The following VIL1 variants were observed in gnomAD, a reference collection of about 807,000 sequenced individuals.
The protein encoded by VIL1 is villin 1, also known as villin-1.
Under a neutral mutation model 104.0 loss-of-function variants are expected in VIL1, and 86 were observed. The ratio of observed to expected loss-of-function variants is 0.83; its 90% CI spans 0.69 to 0.99. The LOEUF (loss-of-function observed/expected upper bound fraction) is 0.99, where lower values mean the gene tolerates loss of function less well. VIL1 is among the 50% of genes least tolerant of loss of function. The pLI, the probability that VIL1 is intolerant of heterozygous loss-of-function variation, is 0.00. For synonymous variants in VIL1, 394 were observed against 412.6 expected, an observed-to-expected ratio of 0.95 and a Z score of 0.55; for missense variants, 944 against 1,054.1, an observed-to-expected ratio of 0.90 and a Z score of 1.45.
chr2:218,429,918 GAGA>G lies in VIL1; in HGVS notation c.925_927del (p.Lys309del), dbSNP rs1302914505. 6.3e-6 allele frequency: 10 copies of G among 1,589,972 alleles called. No individual in the cohort carries two copies. The highest frequency in any genetic ancestry group is 7.7e-6 in the Non-Finnish European group (9 of 1,164,398). On this transcript the variant is annotated inframe_deletion, in exon 9 of 20. Coordinates refer to ENST00000248444, the MANE Select transcript of VIL1 (RefSeq NM_007127.3). ...GAAAGGGAAGAAAGCCAATGAGCAG[GAGA>G]AGAAGGGAGCCATGAGCCATGCGCT...
intron 19 of VIL1, 41 bp from the exon 20 acceptor site, chr2:218,449,182 G>T (rs777829884): frequency 1.4e-6 from 2 of 1,456,806 alleles, no homozygotes; most frequent in Admixed American, 1.7e-5. Flanking sequence ...GAGGAAGGAA[G>T]GATATGTGAC....
At chr2:218,423,592 C>A (rs1439701492) in intron 1 of VIL1, among the ~76,000 whole-genome samples, 176 bp from the exon 2 acceptor site, 8 of 152,080 alleles carry the variant, frequency 5.3e-5, no homozygotes, top group African/African-American at 1.9e-4. Context: ...GTGCTAGACA[C>A]TGCGGATTTG....
intron 9 of VIL1, 31 bp from the exon 10 acceptor site, chr2:218,430,694 C>T: frequency 6.4e-7 from 1 of 1,554,182 alleles, no homozygotes; most frequent in Non-Finnish European, 8.7e-7. Flanking sequence ...AGGGGAGGTG[C>T]ATAGCTTCCA....
At chr2:218,425,283 G>C (rs1467155937) in intron 3 of VIL1, among the ~76,000 whole-genome samples, 2 of 152,066 alleles carry the variant, frequency 1.3e-5, no homozygotes, top group African/African-American at 4.8e-5. Context: ...GTTTTGCCAT[G>C]TTGGCCAGGC....
Position 218,425,730 on chromosome 2 carries a change from T to C in VIL1, c.266T>C (p.Leu89Pro), listed in dbSNP as rs1219557023. 5.0e-6 allele frequency: 8 copies of C among 1,614,116 alleles called. No individual in the cohort carries two copies. Among genetic ancestry groups the C allele is most frequent in the Non-Finnish European group, 6.8e-6 (8 of 1,179,998 alleles). The change falls in exon 4 of 20, where the codon CTG becomes CCG. Residue 89 changes from leucine to proline, a missense_variant. Transcript: ENST00000248444. Reference sequence around the variant, plus strand: ...TACACCACACAGATGGATGACTTCCTGAAGGGCCGGGCTGTGCAGCACCGC... The same window carrying C: ...TACACCACACAGATGGATGACTTCCCGAAGGGCCGGGCTGTGCAGCACCGC... ...AIYTTQMDDF[L>P]KGRAVQHREV...
chr2:218,437,359 A>C, intron 17 of VIL1, 47 bp downstream of exon 17: 2 of 1,594,226 alleles, frequency 1.3e-6, no homozygotes, highest in Non-Finnish European at 1.7e-6. Flanking sequence ...CTGCCTGGAG[A>C]TCAGTGCTGA....
In VIL1 at chr2:218,435,445, G is replaced by C. The variant is rs774201610; in HGVS notation, c.1826+11G>C. 6.2e-7 allele frequency: 1 copy of C among 1,612,380 alleles called. No individual in the cohort carries two copies. Among genetic ancestry groups the C allele is most frequent in the Non-Finnish European group, 8.5e-7 (1 of 1,178,850 alleles). On this transcript the variant is annotated intron_variant, in intron 15 of 19. Transcript: ENST00000248444. Reference sequence around the variant, plus strand: ...TGCCAACACCAAGAGGTAACTCTCAGGTCCCTCCGCCTCCAGGTTACCAAG... The same window carrying C: ...TGCCAACACCAAGAGGTAACTCTCACGTCCCTCCGCCTCCAGGTTACCAAG...
At chr2:218,423,555 CT>C (rs1189361633) in intron 1 of VIL1, among the ~76,000 whole-genome samples, 4 of 152,112 alleles carry the variant, frequency 2.6e-5, no homozygotes, top group Non-Finnish European at 2.9e-5. Context: ...TTCCCTCCCC[CT>C]CTCTTCCTTA....
In VIL1 at chr2:218,432,901, G is replaced by C. The variant is rs745758661; in HGVS notation, c.1450G>C (p.Glu484Gln). ...CCAGATCCGGGTCCCAATGGGCAAG[G>C]AGCCACCTCATCTTATGTCCATCTT... is the stretch of plus-strand genomic sequence containing the variant. ...PVQIRVPMGK[E>Q]PPHLMSIFKG... Residue 484 changes from glutamate to glutamine, a missense_variant, in exon 13 of 20, where the codon GAG becomes CAG. Coordinates refer to ENST00000248444, the MANE Select transcript of VIL1 (RefSeq NM_007127.3). 6.2e-7 allele frequency: 1 copy of C among 1,614,222 alleles called. No individual in the cohort carries two copies. The highest frequency in any genetic ancestry group is 8.5e-7 in the Non-Finnish European group (1 of 1,180,034).
chr2:218,437,327 C>T lies in VIL1; in HGVS notation c.2160+15C>T, dbSNP rs763141155. ...TCAAGTGGAGTGTGAGTGGCCTCAT[C>T]CCAGCATGTCCTTCTCTAGCCCTGC... On this transcript the variant is annotated intron_variant, in intron 17 of 19. Transcript: ENST00000248444. 6.2e-7 allele frequency: 1 copy of T among 1,610,044 alleles called. No individual in the cohort carries two copies. The highest frequency in any genetic ancestry group is 8.5e-7 in the Non-Finnish European group (1 of 1,177,420).
At chr2:218,440,031 C>G (rs1420964863) in intron 18 of VIL1, among the ~76,000 whole-genome samples, 1 of 151,874 alleles carries the variant, frequency 6.6e-6, no homozygotes, top group Non-Finnish European at 1.5e-5. Context: ...ATGGTCAAAA[C>G]CTGCAGCACT....
intron 10 of VIL1, among the ~76,000 whole-genome samples, chr2:218,431,566 G>A (rs906773834): frequency 1.3e-5 from 2 of 152,070 alleles, no homozygotes; most frequent in African/African-American, 4.8e-5. Flanking sequence ...ACAAGGTCAA[G>A]GCTTGAAGTC....
At chr2:218,422,837 T>C (rs1487715706) in intron 1 of VIL1, among the ~76,000 whole-genome samples, 1 of 152,158 alleles carries the variant, frequency 6.6e-6, no homozygotes, top group East Asian at 1.9e-4. Flanking sequence ...GGGTGGCCTC[T>C]GGCCTGATGA....
chr2:218,449,399 G>C lies in VIL1; in HGVS notation c.*63G>C, dbSNP rs747468132. The C allele has an allele frequency of 3.0e-6, 4 of 1,349,284 alleles. No homozygotes were observed. Among genetic ancestry groups the C allele is most frequent in the Non-Finnish European group, 3.2e-6 (3 of 942,178 alleles). The allele number at this position is 1,349,284 out of a possible 1,614,324, so 83.6% of individuals were successfully genotyped here. On this transcript the variant is annotated 3_prime_UTR_variant, in exon 20 of 20. Transcript: ENST00000248444. ...GATTGTAGGGTCTCATTTTCTCACC[G>C]ATATTAGTCCTACACCAATTGAAGT...
At chr2:218,440,585 AGT>A (rs1440756797) in intron 18 of VIL1, 135 bp from the exon 19 acceptor site, 79 of 1,008,182 alleles carry the variant, frequency 7.8e-5, no homozygotes, top group Non-Finnish European at 1.0e-4. Flanking sequence ...TGTTCTTATG[AGT>A]GTGTGTGTGG....
At position 218,450,669 on chromosome 2, in the gene VIL1, T is replaced by G. The variant is rs536726803; in HGVS notation, c.*1333T>G. 3 of 152,496 alleles carry G rather than the reference T, an allele frequency of 2.0e-5. No homozygotes were observed. In the South Asian group the frequency reaches 6.2e-4, roughly 32 times the overall value. 9.4% of individuals were successfully genotyped at this position (152,496 alleles called of 1,614,324 possible). A position where few individuals can be genotyped will look rare whatever the true frequency, so the allele number is the denominator to read the frequency against. On this transcript the variant is annotated 3_prime_UTR_variant, in exon 20 of 20. Transcript: ENST00000248444. Reference sequence around the variant, plus strand: ...TCTCACTCTTCACACAGGCCCACTATTTTTGAAGTAGACCAGTTTAGTTGA... The same window carrying G: ...TCTCACTCTTCACACAGGCCCACTAGTTTTGAAGTAGACCAGTTTAGTTGA...
intron 19 of VIL1, among the ~76,000 whole-genome samples, chr2:218,448,905 T>C (rs565055874): frequency 5.9e-4 from 89 of 151,752 alleles, no homozygotes; most frequent in Middle Eastern, 3.4e-3. Context: ...CTTGGGAGGC[T>C]GAGGCAGGAG....
At chr2:218,421,180 T>G (rs1574810580) in intron 1 of VIL1, among the ~76,000 whole-genome samples, 1 of 150,940 alleles carries the variant, frequency 6.6e-6, no homozygotes, top group East Asian at 1.9e-4. Flanking sequence ...AGGCGTGGGG[T>G]GAGAGGCAGC....
rs531154973 is a variant in VIL1 at position 218,444,483 on chromosome 2, T to C, written c.2370+3621T>C. Among the ~76,000 whole-genome samples, 539 of 151,652 alleles carry C rather than the reference T, an allele frequency of 3.6e-3. 1 individual carries two copies. The highest frequency in any genetic ancestry group is 0.012 in the African/African-American group (501 of 41,288). On this transcript the variant is annotated intron_variant, in intron 19 of 19. Transcript: ENST00000248444. ...TTAGTAGAGACGGGGTTTCACTGTG[T>C]TAGCCAGGATGGTCTCGATCTCCCG...
Sources: gnomAD v4.1 joint callset for allele counts (sites outside exome capture counted in the v4.1 genomes callset) on GRCh38, gnomAD v4.1.1 for gene constraint, MANE v1.5 for transcripts, NCBI Gene and HGNC (gene_info 2026-07-23, HGNC 2026-07-21) for gene names.